The following ZKSCAN4 variants were observed in gnomAD, a reference collection of about 807,000 sequenced individuals.
ZKSCAN4 encodes the protein zinc finger protein with KRAB and SCAN domains 4.
A neutral mutation model predicts 30.8 loss-of-function variants in ZKSCAN4; 23 were observed. The observed-to-expected ratio is 0.75, with a 90% CI of 0.54 to 1.06. The LOEUF (loss-of-function observed/expected upper bound fraction) is 1.06. ZKSCAN4 is among the 50% of genes least tolerant of loss of function. The pLI is 0.00. For missense variants in ZKSCAN4, 556 were observed against 665.4 expected, an observed-to-expected ratio of 0.84 and a Z score of 1.81; for synonymous variants, 208 against 252.5, an observed-to-expected ratio of 0.82 and a Z score of 1.67.
chr6:28,247,987 G>A, intron 3 of ZKSCAN4, 80 bp downstream of exon 3: 1 of 1,002,028 alleles, frequency 1.0e-6, no homozygotes, highest in Non-Finnish European at 1.5e-6. Context: ...GGGTAGGACT[G>A]GGGAGGGAGG....
At position 28,243,531 on chromosome 6, in the gene ZKSCAN4, A is replaced by G. The variant is rs1760577146; in HGVS notation, c.*1585T>C. Among the ~76,000 whole-genome samples the G allele has an allele frequency of 6.6e-6, 1 of 152,220 alleles. No individual in the cohort carries two copies. Among genetic ancestry groups the G allele is most frequent in the African/African-American group, 2.4e-5 (1 of 41,460 alleles). ...TGGGTGAAAGCAGAAGATATCAAAAAATTCTTATTTCTTGTGAATAACTCA... is the reference window on the plus strand; with the variant it reads ...TGGGTGAAAGCAGAAGATATCAAAAGATTCTTATTTCTTGTGAATAACTCA... On this transcript the variant is annotated 3_prime_UTR_variant, in exon 5 of 5. Coordinates refer to ENST00000377294, the MANE Select transcript of ZKSCAN4 (RefSeq NM_019110.5).
At chr6:28,246,036 GA>G in intron 4 of ZKSCAN4, 61 bp from the exon 5 acceptor site, 1 of 1,609,706 alleles carries the variant, frequency 6.2e-7, no homozygotes, top group Non-Finnish European at 8.5e-7. Context: ...AAAGCTCTGT[GA>G]TGAGTACTAG....
At chr6:28,247,763 G>A (rs545658221) in intron 3 of ZKSCAN4, among the ~76,000 whole-genome samples, 17 of 152,318 alleles carry the variant, frequency 1.1e-4, no homozygotes, top group Admixed American at 3.3e-4. Flanking sequence ...TTGCTTTTGC[G>A]GAACTGCCCT....
chr6:28,249,204 A>G lies in ZKSCAN4; in HGVS notation c.571+483T>C, dbSNP rs1308839700. On this transcript the variant is annotated intron_variant, in intron 2 of 4. Transcript: ENST00000377294. The surrounding 1 kb of genome is among the most constrained non-coding windows in gnomAD (Gnocchi z 4.1). ...ACAGGGTTTAGATTTACACTCTTCT[A>G]TTTGCAGCAGTCCTACTATCTCTGG... is the stretch of plus-strand genomic sequence containing the variant. Among the ~76,000 whole-genome samples, 1 of 152,174 alleles carries G rather than the reference A, an allele frequency of 6.6e-6. No homozygotes were observed. Among genetic ancestry groups the G allele is most frequent in the African/African-American group, 2.4e-5 (1 of 41,440 alleles).
chr6:28,247,234 A>G (rs1029458419), intron 3 of ZKSCAN4, 142 bp from the exon 4 acceptor site: 2 of 880,188 alleles, frequency 2.3e-6, no homozygotes, highest in African/African-American at 3.4e-5. Flanking sequence ...CTCTAATAAC[A>G]TCTTAATCAA....
At chr6:28,257,026 A>G (rs1246943464), upstream of ZKSCAN4, among the ~76,000 whole-genome samples, 1 of 152,212 alleles carries the variant, frequency 6.6e-6, no homozygotes, top group Non-Finnish European at 1.5e-5. Flanking sequence ...CAAGGGCAGA[A>G]CCCTAATTAA....
At position 28,245,746 on chromosome 6, in the gene ZKSCAN4, A is replaced by G. The variant is rs1036185079; in HGVS notation, c.1008T>C (p.Thr336=). 5 of 1,614,236 alleles carry G rather than the reference A, an allele frequency of 3.1e-6. No individual in the cohort carries two copies. The East Asian group carries it at 6.7e-5, about 22-fold the overall frequency. ...CACCAGTGTGGATTCTCCTGTGTTT[A>G]GTCAGGCCTGAACTTTGAGCAAAAC... ...GKSFAQSSGL[T]KHRRIHTGEK... Residue 336 remains threonine, a synonymous_variant, in exon 5 of 5, where the codon ACT becomes ACC. Coordinates refer to ENST00000377294, the MANE Select transcript of ZKSCAN4 (RefSeq NM_019110.5).
At chr6:28,253,652 C>G (rs1003727499), upstream of ZKSCAN4, among the ~76,000 whole-genome samples, 1 of 152,206 alleles carries the variant, frequency 6.6e-6, no homozygotes, top group Non-Finnish European at 1.5e-5. This position sits in a 1 kb window ranked among gnomAD's most constrained non-coding sequence, Gnocchi z 4.2. Flanking sequence ...CAACCAAGAT[C>G]AATTAAATCA....
rs1760508122 is a variant in ZKSCAN4, at chr6:28,241,807, A to G, written c.*3309T>C. ...CTCCATTTCTCTACCAGTTAGCAAC[A>G]TTTTCAGAGTTTTTACTTAGCACTT... On this transcript the variant is annotated 3_prime_UTR_variant, in exon 5 of 5. Transcript: ENST00000377294. Among the ~76,000 whole-genome samples, 1 of 152,122 alleles carries G rather than the reference A, an allele frequency of 6.6e-6. No homozygotes were observed. The highest frequency in any genetic ancestry group is 6.5e-5 in the Admixed American group (1 of 15,268).
rs757231882 is a variant in ZKSCAN4 at position 28,245,372 on chromosome 6, T to C, written c.1382A>G (p.Asn461Ser). 1 of 1,614,264 alleles carries C rather than the reference T, an allele frequency of 6.2e-7. No homozygotes were observed. Among genetic ancestry groups the C allele is most frequent in the South Asian group, 1.1e-5 (1 of 91,084 alleles). Residue 461 changes from asparagine to serine, a missense_variant, in exon 5 of 5, where the codon AAT becomes AGT. Physicochemically the swap from Asn to Ser is conservative, Grantham distance 46. Transcript: ENST00000377294. Reference protein sequence around the residue: ...QRIHGDKNVQNPEHGESWESQ... With the variant: ...QRIHGDKNVQSPEHGESWESQ... ...TTCCCAGGACTCCCCGTGCTCAGGA[T>C]TCTGAACATTTTTATCACCATGAAT... is the stretch of plus-strand genomic sequence containing the variant.
Position 28,251,448 on chromosome 6 carries a change from C to A in ZKSCAN4, c.423+110G>T, listed in dbSNP as rs1561862171. 6.3e-7 allele frequency: 1 copy of A among 1,577,414 alleles called. No individual in the cohort carries two copies. Among genetic ancestry groups the A allele is most frequent in the Non-Finnish European group, 8.6e-7 (1 of 1,158,708 alleles). ...CTTACTGCCAAGGAGGTTCACAGTA[C>A]AAAAAGAGATGAAGAACTCCTGGAC... On this transcript the variant is annotated intron_variant, in intron 1 of 4. Transcript: ENST00000377294. The surrounding 1 kb of genome is among the most constrained non-coding windows in gnomAD (Gnocchi z 4.5).
At position 28,243,049 on chromosome 6, in the gene ZKSCAN4, A is replaced by C. The variant is rs1215356799; in HGVS notation, c.*2067T>G. 6.6e-6 allele frequency among the ~76,000 whole-genome samples: 1 copy of C among 152,252 alleles called. No homozygotes were observed. Among genetic ancestry groups the C allele is most frequent in the East Asian group, 1.9e-4 (1 of 5,206 alleles). Reference sequence around the variant, plus strand: ...TTGTCTGTAATGAGTTTGAGTGTGTAAAATCAGAGCTATTTAGCAAATATT... The same window carrying C: ...TTGTCTGTAATGAGTTTGAGTGTGTCAAATCAGAGCTATTTAGCAAATATT... On this transcript the variant is annotated 3_prime_UTR_variant, in exon 5 of 5. Coordinates refer to ENST00000377294, the MANE Select transcript of ZKSCAN4 (RefSeq NM_019110.5).
In ZKSCAN4 at chr6:28,251,920, C is replaced by T; in HGVS notation, c.61G>A (p.Gly21Arg). The T allele has an allele frequency of 6.5e-7, 1 of 1,529,388 alleles. No individual in the cohort carries two copies. Among genetic ancestry groups the T allele is most frequent in the Non-Finnish European group, 8.7e-7 (1 of 1,144,144 alleles). 94.7% of individuals were successfully genotyped at this position (1,529,388 alleles called of 1,614,324 possible). The change falls in exon 1 of 5, where the codon GGG (glycine) becomes AGG (arginine). Residue 21 changes from glycine (G) to arginine (R), a missense_variant. This residue lies in a region of ZKSCAN4 where 115 missense variants were observed against 125.9 expected (regional missense o/e 0.91). Transcript: ENST00000377294. The surrounding 1 kb of genome is among the most constrained non-coding windows in gnomAD (Gnocchi z 4.5). ...TTCTCCACCTTCACGGTCAGGAGCC[C>T]CGTCTGGTCTTCTGCAGACTGGGCG... ...LDAQSAEDQTGLLTVKVEKEE... is the reference protein window; with the variant it reads ...LDAQSAEDQTRLLTVKVEKEE...
the ZKSCAN4 span, among the ~76,000 whole-genome samples, chr6:28,257,864 G>T: frequency 6.6e-6 from 1 of 152,078 alleles, no homozygotes; most frequent in African/African-American, 2.4e-5. Flanking sequence ...GATACTAAAT[G>T]GCTTAAATTT....
intron 4 of ZKSCAN4, among the ~76,000 whole-genome samples, chr6:28,246,189 A>C (rs1760725754): frequency 6.6e-6 from 1 of 152,094 alleles, no homozygotes; most frequent in African/African-American, 2.4e-5. Context: ...GAAGGGTACA[A>C]ACTGGGAGTG....
At chr6:28,248,230 G>T in intron 2 of ZKSCAN4, 81 bp from the exon 3 acceptor site, 1 of 1,026,704 alleles carries the variant, frequency 9.7e-7, no homozygotes, top group Non-Finnish European at 1.5e-6. Flanking sequence ...TCAAAAACTG[G>T]GGCAGTAAGT....
In ZKSCAN4 at chr6:28,245,436, C is replaced by T. The variant is rs1447620937; in HGVS notation, c.1318G>A (p.Ala440Thr). 2 of 1,614,110 alleles carry T rather than the reference C, an allele frequency of 1.2e-6. No homozygotes were observed. Among genetic ancestry groups the T allele is most frequent in the African/African-American group, 1.3e-5 (1 of 74,930 alleles). ...KPYQCNMCGK[A>T]FRRNSHLLRH... ...AGGAGATGTGAATTCCGCCTAAAGG[C>T]TTTGCCACACATATTGCACTGGTAT... Residue 440 changes from alanine to threonine, a missense_variant, in exon 5 of 5, where the codon GCC (alanine) becomes ACC (threonine). Ala to Thr is a moderately conservative substitution (Grantham distance 58, BLOSUM62 0). This residue lies in a region of ZKSCAN4 where 433 missense variants were observed against 511.5 expected (regional missense o/e 0.85). Transcript: ENST00000377294.
At chr6:28,248,620 G>C (rs925589640) in intron 2 of ZKSCAN4, among the ~76,000 whole-genome samples, 28 of 151,896 alleles carry the variant, frequency 1.8e-4, no homozygotes, top group African/African-American at 6.5e-4. Flanking sequence ...CCTGAGTTCC[G>C]GAATTCGAGA....
Position 28,249,591 on chromosome 6 carries a change from G to A in ZKSCAN4, c.571+96C>T, listed in dbSNP as rs1760895744. The A allele has an allele frequency of 7.1e-6, 10 of 1,416,376 alleles. No individual in the cohort carries two copies. In the South Asian group the frequency reaches 1.1e-4, roughly 16 times the overall value. 87.7% of individuals were successfully genotyped at this position (1,416,376 alleles called of 1,614,324 possible). On this transcript the variant is annotated intron_variant, in intron 2 of 4. Transcript: ENST00000377294. The surrounding 1 kb of genome is among the most constrained non-coding windows in gnomAD (Gnocchi z 4.1). ...CTTAAAATACAGCTCTCTGTGATGAGTATATAAAGTAACTGTAAATGGATC... is the reference window on the plus strand; with the variant it reads ...CTTAAAATACAGCTCTCTGTGATGAATATATAAAGTAACTGTAAATGGATC...
Sources: allele counts gnomAD v4.1 joint callset (sites outside exome capture counted in the v4.1 genomes callset), GRCh38; gene constraint gnomAD v4.1.1; regional missense constraint gnomAD v4.1.1; non-coding constraint Gnocchi (gnomAD v3.1); transcripts MANE v1.5; gene names NCBI Gene and HGNC (gene_info 2026-07-23, HGNC 2026-07-21).